The following COL18A1 variants were observed in gnomAD, a reference collection of about 807,000 sequenced individuals.
The protein encoded by COL18A1 is collagen type XVIII alpha 1 chain.
In COL18A1, 133 loss-of-function variants were observed where a neutral mutation model predicts 168.0. That is an observed-to-expected ratio of 0.79 (90% confidence interval 0.69 to 0.91). The LOEUF (loss-of-function observed/expected upper bound fraction) is 0.91. Ranked by LOEUF, COL18A1 falls within the 40% of genes least tolerant of loss-of-function variation. The pLI, the probability that COL18A1 is intolerant of heterozygous loss-of-function variation, is 0.00. For missense variants in COL18A1, 2,126 were observed against 1,925.4 expected (o/e 1.10, Z -1.95); for synonymous variants, 949 against 809.0 (o/e 1.17, Z -2.94).
chr21:45,431,780 C>T (rs972581033), intron 2 of COL18A1, among the ~76,000 whole-genome samples: 3 of 152,104 alleles, frequency 2.0e-5, no homozygotes, highest in African/African-American at 7.2e-5. Flanking sequence ...GGCAGGCCGT[C>T]GCGGACGGTC....
Position 45,492,728 on chromosome 21 carries a change from G to T in COL18A1, c.2214+15G>T, listed in dbSNP as rs368257475. The T allele has an allele frequency of 3.8e-5, 53 of 1,383,860 alleles. No individual in the cohort carries two copies. Among genetic ancestry groups the T allele is most frequent in the Non-Finnish European group, 5.2e-5 (52 of 1,004,584 alleles). 85.7% of individuals were successfully genotyped at this position (1,383,860 alleles called of 1,614,324 possible). A position where few individuals can be genotyped will look rare whatever the true frequency, so the allele number is the denominator to read the frequency against. ...CAGGCTTTCCCGTGAGTAACCTGGT[G>T]CCAGAGCTGCATGCTGCCCGGCTGG... On this transcript the variant is annotated intron_variant, in intron 24 of 41. Coordinates refer to ENST00000651438, the MANE Select transcript of COL18A1 (RefSeq NM_001379500.1).
intron 2 of COL18A1, among the ~76,000 whole-genome samples, chr21:45,460,621 A>C (rs1279854911): frequency 6.6e-6 from 1 of 152,220 alleles, no homozygotes; most frequent in African/African-American, 2.4e-5. Flanking sequence ...TTGCTCCTTT[A>C]GTCAAATGCA....
intron 3 of COL18A1, among the ~76,000 whole-genome samples, chr21:45,469,572 G>C (rs1382295432): frequency 1.3e-5 from 2 of 152,178 alleles, no homozygotes; most frequent in Non-Finnish European, 2.9e-5. Flanking sequence ...GGTTGGGGGG[G>C]TGGACAGATC....
intron 25 of COL18A1, 103 bp from the exon 26 acceptor site, chr21:45,493,398 A>G: frequency 2.3e-6 from 3 of 1,304,982 alleles, no homozygotes; most frequent in Admixed American, 3.9e-5. Flanking sequence ...GAAAGGACCC[A>G]GCCTGCGAGG....
At chr21:45,455,809 C>G (rs2034781205) in intron 2 of COL18A1, 4 of 1,613,456 alleles carry the variant, frequency 2.5e-6, no homozygotes, top group Non-Finnish European at 3.4e-6. Context: ...GCCAGGACAC[C>G]CCCACTTCTG....
At chr21:45,439,138 T>TCG (rs2034298477) in intron 2 of COL18A1, among the ~76,000 whole-genome samples, 1 of 152,242 alleles carries the variant, frequency 6.6e-6, no homozygotes, top group African/African-American at 2.4e-5. Context: ...TAACGTTTTT[T>TCG]AATTCGAGAA....
Position 45,496,504 on chromosome 21 carries a change from T to C in COL18A1, c.2513T>C (p.Met838Thr). 1 of 1,420,518 alleles carries C rather than the reference T, an allele frequency of 7.0e-7. No individual in the cohort carries two copies. Among genetic ancestry groups the C allele is most frequent in the Non-Finnish European group, 1.0e-6 (1 of 1,004,038 alleles). 88.0% of individuals were successfully genotyped at this position (1,420,518 alleles called of 1,614,324 possible). ...DASLGFGMRG[M>T]PGPPGPPGPP... Reference sequence around the variant, plus strand: ...AGCTCTCTGCCCTCCCCACAGGGAATGCCCGGCCCCCCAGGACCTCCAGGG... The same window carrying C: ...AGCTCTCTGCCCTCCCCACAGGGAACGCCCGGCCCCCCAGGACCTCCAGGG... Residue 838 changes from methionine to threonine, a missense_variant, in exon 30 of 42, where the codon ATG (methionine) becomes ACG (threonine). Transcript: ENST00000651438.
intron 38 of COL18A1, 119 bp downstream of exon 38, chr21:45,507,712 T>C (rs2037306711): frequency 5.3e-6 from 5 of 947,062 alleles, no homozygotes; most frequent in African/African-American, 1.6e-5. Flanking sequence ...AACATGTGGC[T>C]CACCATCAGC....
intron 32 of COL18A1, chr21:45,497,942 G>A: frequency 3.3e-6 from 2 of 604,668 alleles, no homozygotes; most frequent in Non-Finnish European, 2.9e-6. Flanking sequence ...GGTGGGCACT[G>A]CGCAGAGACA....
At chr21:45,456,988 T>A in intron 2 of COL18A1, 1 of 913,172 alleles carries the variant, frequency 1.1e-6, no homozygotes, top group Non-Finnish European at 1.5e-6. Flanking sequence ...ATCGAATCTC[T>A]ACGTTCAGGG....
intron 15 of COL18A1, among the ~76,000 whole-genome samples, chr21:45,484,150 CCT>C (rs1354620418): frequency 6.9e-6 from 1 of 144,958 alleles, no homozygotes; most frequent in African/African-American, 2.6e-5. Context: ...TACACACACA[CCT>C]CTCCAGCATA....
chr21:45,510,371 C>T, intron 40 of COL18A1, 110 bp downstream of exon 40: 2 of 1,249,868 alleles, frequency 1.6e-6, no homozygotes, highest in Non-Finnish European at 2.3e-6. Flanking sequence ...CACCATGTTA[C>T]AGACACTGGC....
At chr21:45,418,993 G>A (rs1355858426) in intron 2 of COL18A1, among the ~76,000 whole-genome samples, 1 of 152,246 alleles carries the variant, frequency 6.6e-6, no homozygotes, top group African/African-American at 2.4e-5. Flanking sequence ...GGGGCATCAG[G>A]GCTGCAGGTC....
In COL18A1 at chr21:45,498,689, TCACA is replaced by T; in HGVS notation, c.2683+1032_2683+1035del. 1 of 657,974 alleles carries T rather than the reference TCACA, an allele frequency of 1.5e-6. No homozygotes were observed. Among genetic ancestry groups the T allele is most frequent in the South Asian group, 1.7e-5 (1 of 59,028 alleles). The allele number at this position is 657,974 out of a possible 1,614,324, so 40.8% of individuals were successfully genotyped here. On this transcript the variant is annotated intron_variant, in intron 32 of 41. Transcript: ENST00000651438. The surrounding 1 kb of genome is among the most constrained non-coding windows in gnomAD (Gnocchi z 4.5). The stretch of plus-strand genomic sequence containing the variant: ...CATGCCAGCCTTGGATCTCTCAGCG[TCACA>T]CACGACGCCCAGGAAGGAGTGAATG...
At position 45,505,197 on chromosome 21, in the gene COL18A1, A is replaced by G. The variant is rs2037119096; in HGVS notation, c.2932A>G (p.Ile978Val). ...ACCTGGACCTCAGGGACCCCCCGGC[A>G]TCGGCTACGAGGGGCGCCAGGGCCC... ...GPPGPQGPPGIGYEGRQGPPG... is the reference protein window; with the variant it reads ...GPPGPQGPPGVGYEGRQGPPG... The change falls in exon 35 of 42, where the codon ATC becomes GTC. Residue 978 changes from isoleucine to valine, a missense_variant. Physicochemically the swap from Ile to Val is conservative, Grantham distance 29. Transcript: ENST00000651438. 6.2e-7 allele frequency: 1 copy of G among 1,603,828 alleles called. No homozygotes were observed. The highest frequency in any genetic ancestry group is 2.2e-5 in the East Asian group (1 of 44,518).
At chr21:45,481,512 G>A (rs1280565803) in intron 13 of COL18A1, among the ~76,000 whole-genome samples, 5 of 152,202 alleles carry the variant, frequency 3.3e-5, no homozygotes, top group South Asian at 2.1e-4. Context: ...CCCTGCCTCC[G>A]TAACAGTCCC....
At chr21:45,491,504 C>T (rs2036350467) in intron 22 of COL18A1, among the ~76,000 whole-genome samples, 190 bp downstream of exon 22, 1 of 152,166 alleles carries the variant, frequency 6.6e-6, no homozygotes, top group Non-Finnish European at 1.5e-5. Context: ...GAGCCCAGCT[C>T]CATGTGGTGT....
intron 2 of COL18A1, among the ~76,000 whole-genome samples, chr21:45,453,783 G>A (rs1397376490): frequency 6.6e-6 from 1 of 152,180 alleles, no homozygotes; most frequent in Non-Finnish European, 1.5e-5. Flanking sequence ...TCCAAGTGTG[G>A]CCCCGAGGGC....
At chr21:45,479,791 T>G in intron 9 of COL18A1, 111 bp from the exon 10 acceptor site, 1 of 1,492,020 alleles carries the variant, frequency 6.7e-7, no homozygotes, top group Non-Finnish European at 9.1e-7. Flanking sequence ...GAGACTCCCC[T>G]GAAGGGCTCA....
Sources: allele counts gnomAD v4.1 joint callset (sites outside exome capture counted in the v4.1 genomes callset), GRCh38; gene constraint gnomAD v4.1.1; non-coding constraint Gnocchi (gnomAD v3.1); transcripts MANE v1.5; gene names NCBI Gene and HGNC (gene_info 2026-07-23, HGNC 2026-07-21).